The following AFF3 variants were observed in gnomAD, a reference collection of about 807,000 sequenced individuals.
AFF3 encodes AF4/FMR2 family member 3.
A neutral mutation model predicts 129.7 loss-of-function variants in AFF3; 32 were observed. The observed-to-expected ratio is 0.25, with a 90% CI of 0.19 to 0.33. The LOEUF is 0.33. Ranked by LOEUF, AFF3 falls within the 10% of genes least tolerant of loss-of-function variation. The pLI is 1.00. For missense variants in AFF3, 1,373 were observed against 1,592.0 expected (o/e 0.86, Z 2.34); for synonymous variants, 644 against 635.4 (o/e 1.01, Z -0.20).
At chr2:99,927,636 T>A (rs1696354275) in intron 7 of AFF3, among the ~76,000 whole-genome samples, 1 of 152,142 alleles carries the variant, frequency 6.6e-6, no homozygotes. Flanking sequence ...ATTACTAGGC[T>A]TAACACCAGG....
At chr2:99,808,372 A>G (rs1686518753) in intron 8 of AFF3, among the ~76,000 whole-genome samples, 1 of 152,198 alleles carries the variant, frequency 6.6e-6, no homozygotes, top group Non-Finnish European at 1.5e-5. Context: ...ACTCTAGAAA[A>G]TAAGTGTCAT....
At chr2:100,064,095 AAAAAG>A (rs5832894) in intron 4 of AFF3, among the ~76,000 whole-genome samples, 64,050 of 146,516 alleles carry the variant, frequency 0.44, 14,143 homozygotes, top group Middle Eastern at 0.49. Context: ...GTCTCAAAAA[AAAAAG>A]AAAAGAAAAG....
In AFF3 at chr2:99,778,904, G is replaced by A. The variant is rs1260517239; in HGVS notation, c.922-26603C>T. Among the ~76,000 whole-genome samples, 11 of 8,696 alleles carry A rather than the reference G, an allele frequency of 1.3e-3. No individual in the cohort carries two copies. The South Asian group carries it at 0.039, about 31-fold the overall frequency. The allele number at this position is 8,696 out of a possible 152,430, so 5.7% of individuals were successfully genotyped here. On this transcript the variant is annotated intron_variant, in intron 8 of 24. Transcript: ENST00000672756. The stretch of plus-strand genomic sequence containing the variant: ...TGTGTGTGTGTGTGTGCGCGTGTGT[G>A]TGTGTGTGTGTGTGTGTGTGTGTGT...
chr2:99,968,698 CA>C (rs560062058), intron 7 of AFF3, among the ~76,000 whole-genome samples: 189 of 152,202 alleles, frequency 1.2e-3, no homozygotes, highest in African/African-American at 4.3e-3. Context: ...ACGAGAAACA[CA>C]AAGGGAGCCA....
chr2:99,902,605 AT>A (rs1258469098), intron 7 of AFF3, among the ~76,000 whole-genome samples: 1 of 152,190 alleles, frequency 6.6e-6, no homozygotes, highest in African/African-American at 2.4e-5. Flanking sequence ...TAAGTGTCCC[AT>A]TTGAGCAAAT....
intron 12 of AFF3, among the ~76,000 whole-genome samples, chr2:99,652,442 A>G (rs1448475890): frequency 6.6e-6 from 1 of 152,168 alleles, no homozygotes; most frequent in Non-Finnish European, 1.5e-5. Flanking sequence ...TCCCCTTAAA[A>G]TGACAAAGGG....
rs1426274160 is a variant in AFF3, at chr2:99,545,602, C to T, written c.*5872G>A. The T allele has an allele frequency of 1.3e-5, 2 of 153,836 alleles. No homozygotes were observed. The highest frequency in any genetic ancestry group is 2.9e-5 in the Non-Finnish European group (2 of 69,058). The allele number at this position is 153,836 out of a possible 1,614,324, so 9.5% of individuals were successfully genotyped here. On this transcript the variant is annotated 3_prime_UTR_variant, in exon 25 of 25. Coordinates refer to ENST00000672756, the MANE Select transcript of AFF3 (RefSeq NM_001386135.1). ...TTCAGCTTTTCAGGCTACATCAATA[C>T]CCCTGGTGCTTCAACACAAATGCTG...
At chr2:99,593,135 A>G in intron 15 of AFF3, 60 bp downstream of exon 15, 1 of 1,511,112 alleles carries the variant, frequency 6.6e-7, no homozygotes. Flanking sequence ...AAGTACCCAC[A>G]AGTTAAGAGA....
chr2:100,086,652 T>C (rs1338457118), intron 4 of AFF3, among the ~76,000 whole-genome samples: 2 of 152,228 alleles, frequency 1.3e-5, no homozygotes, highest in East Asian at 1.9e-4. Context: ...CCAGGAAGTA[T>C]ATTAAATGGG....
At position 99,595,109 on chromosome 2, in the gene AFF3, T is replaced by C. The variant is rs149288338; in HGVS notation, c.1372-820A>G. ...CTGAAATGGATGGGAAATGTGTAGA[T>C]GCATTTTGTTTCTAGAAGAGGTCTG... On this transcript the variant is annotated intron_variant, in intron 14 of 24. Coordinates refer to ENST00000672756, the MANE Select transcript of AFF3 (RefSeq NM_001386135.1). Among the ~76,000 whole-genome samples the C allele has an allele frequency of 2.0e-5, 3 of 152,324 alleles. No individual in the cohort carries two copies. The East Asian group carries it at 5.8e-4, about 29-fold the overall frequency.
chr2:99,966,763 A>T (rs1220033634), intron 7 of AFF3, among the ~76,000 whole-genome samples: 1 of 151,040 alleles, frequency 6.6e-6, no homozygotes, highest in Non-Finnish European at 1.5e-5. Flanking sequence ...GTAAAATTCA[A>T]TAGAGATATT....
intron 4 of AFF3, among the ~76,000 whole-genome samples, chr2:100,061,442 A>C (rs566500994): frequency 1.3e-5 from 2 of 152,286 alleles, no homozygotes; most frequent in African/African-American, 4.8e-5. Context: ...AGGAGGTAAG[A>C]AGCACTATCT....
intron 4 of AFF3, among the ~76,000 whole-genome samples, chr2:100,022,997 G>A (rs983185900): frequency 3.3e-5 from 5 of 152,184 alleles, no homozygotes; most frequent in African/African-American, 7.2e-5. Flanking sequence ...GTCCTCTGCC[G>A]AGTTAGCAGG....
chr2:99,780,150 T>C (rs564835935), intron 8 of AFF3, among the ~76,000 whole-genome samples: 8 of 152,180 alleles, frequency 5.3e-5, no homozygotes, highest in Non-Finnish European at 1.2e-4. Context: ...CACAGCAGAC[T>C]AGAGCAACTA....
chr2:100,054,385 TG>T (rs1457298605), intron 4 of AFF3, among the ~76,000 whole-genome samples: 3 of 152,190 alleles, frequency 2.0e-5, no homozygotes, highest in African/African-American at 7.2e-5. Flanking sequence ...CTCCCTAACA[TG>T]GGTAGGCCCC....
chr2:99,635,448 C>G (rs937717413), intron 13 of AFF3, among the ~76,000 whole-genome samples: 1 of 152,036 alleles, frequency 6.6e-6, no homozygotes, highest in Admixed American at 6.6e-5. Context: ...CAGGTGTGTG[C>G]CACCATGCTA....
Position 99,568,935 on chromosome 2 carries a change from T to G in AFF3, c.2919-20A>C, listed in dbSNP as rs1272578014. The stretch of plus-strand genomic sequence containing the variant: ...CGAGGCCTACAAGGAGAGAATGATA[T>G]TAAACGTCATTATGGCTTAAGTGCA... On this transcript the variant is annotated intron_variant, in intron 18 of 24. Transcript: ENST00000672756. 1 of 1,607,834 alleles carries G rather than the reference T, an allele frequency of 6.2e-7. No individual in the cohort carries two copies.
intron 14 of AFF3, among the ~76,000 whole-genome samples, chr2:99,595,898 C>G (rs1679238723): frequency 6.6e-6 from 1 of 152,216 alleles, no homozygotes; most frequent in Non-Finnish European, 1.5e-5. Flanking sequence ...TTGCCCCAAA[C>G]CAGATGGGAC....
intron 20 of AFF3, among the ~76,000 whole-genome samples, chr2:99,563,557 T>C (rs916420137): frequency 4.0e-5 from 6 of 150,896 alleles, no homozygotes; most frequent in African/African-American, 1.5e-4. Flanking sequence ...ACGCTTGTAA[T>C]CTCAGCACTT....
Sources: allele counts gnomAD v4.1 joint callset (sites outside exome capture counted in the v4.1 genomes callset), GRCh38; gene constraint gnomAD v4.1.1; transcripts MANE v1.5; gene names NCBI Gene and HGNC (gene_info 2026-07-23, HGNC 2026-07-21).